The following KLRG1 variants were observed in gnomAD, a reference collection of about 807,000 sequenced individuals.
KLRG1 encodes killer cell lectin-like receptor subfamily G member 1.
A neutral mutation model predicts 21.8 loss-of-function variants in KLRG1; 16 were observed. That is an observed-to-expected ratio of 0.73 (90% CI 0.50 to 1.11). The LOEUF (loss-of-function observed/expected upper bound fraction) is 1.11, where lower values mean the gene tolerates loss of function less well. Among genes scored for constraint, KLRG1 ranks in the 50% most tolerant of loss-of-function variants. The probability of loss-of-function intolerance (pLI) is 0.00; values close to 1 mark genes in which losing one functional copy is unlikely to be tolerated. For missense variants in KLRG1, 173 were observed against 218.3 expected (o/e 0.79, Z 1.31); for synonymous variants, 69 against 75.9 (o/e 0.91, Z 0.47).
At chr12:9,042,873 A>C in the KLRG1 span, among the ~76,000 whole-genome samples, 1,042 of 152,266 alleles carry the variant, frequency 6.8e-3, 14 homozygotes, top group African/African-American at 0.024. Context: ...CAGAAAGCAG[A>C]GGGAAGAGGA....
At chr12:9,067,496 C>T in the KLRG1 span, 1 of 383,560 alleles carries the variant, frequency 2.6e-6, no homozygotes, top group South Asian at 2.6e-5. Context: ...CATAACCAAA[C>T]ACACTTTACA....
the KLRG1 span, chr12:9,116,068 G>T: frequency 3.6e-6 from 2 of 548,212 alleles, no homozygotes. Flanking sequence ...TTAATTCCTG[G>T]CGGGCTAAAT....
the KLRG1 span, chr12:9,158,673 A>G: frequency 8.4e-7 from 1 of 1,194,718 alleles, no homozygotes; most frequent in Non-Finnish European, 1.1e-6. Context: ...GTGTGCACCC[A>G]AGAAAGTCAA....
At chr12:9,101,285 A>T in the KLRG1 span, 1 of 1,456,904 alleles carries the variant, frequency 6.9e-7, no homozygotes. Context: ...TACTTGTTTT[A>T]TTGAGTCCCT....
In KLRG1 at chr12:9,010,430, T is replaced by C. The variant is rs111501074; in HGVS notation, c.*893T>C. ...GATAGCAGTCAATTCGATAAGGCAT[T>C]TTCATAGAGGAAAGTTTACAGAAAC... is the stretch of plus-strand genomic sequence containing the variant. On this transcript the variant is annotated 3_prime_UTR_variant, in exon 5 of 5. Transcript: ENST00000356986. 6.0e-3 allele frequency: 956 copies of C among 160,276 alleles called. 11 individuals are homozygous for C. Among genetic ancestry groups the C allele is most frequent in the Non-Finnish European group, 9.1e-3 (670 of 73,310 alleles). The allele number at this position is 160,276 out of a possible 1,614,324, so 9.9% of individuals were successfully genotyped here.
At chr12:8,958,005 G>C (rs1158950327) in intron 1 of KLRG1, among the ~76,000 whole-genome samples, 1 of 151,920 alleles carries the variant, frequency 6.6e-6, no homozygotes, top group Non-Finnish European at 1.5e-5. Flanking sequence ...ATGGGCGTTT[G>C]GGTTCTATCT....
At chr12:9,189,228 A>G in the KLRG1 span, among the ~76,000 whole-genome samples, 1 of 152,216 alleles carries the variant, frequency 6.6e-6, no homozygotes, top group African/African-American at 2.4e-5. Flanking sequence ...AGGAGGCATC[A>G]CACCACCCAA....
intron 1 of KLRG1, among the ~76,000 whole-genome samples, chr12:8,975,519 A>AT (rs1462032559): frequency 1.3e-5 from 2 of 151,752 alleles, no homozygotes; most frequent in Admixed American, 1.3e-4. Flanking sequence ...CTCTTCATTC[A>AT]TTTTTTATTT....
the KLRG1 span, among the ~76,000 whole-genome samples, chr12:9,164,849 C>G: frequency 6.6e-6 from 1 of 152,188 alleles, no homozygotes; most frequent in Non-Finnish European, 1.5e-5. Context: ...TGTGTGTCAG[C>G]TTCAAGAATG....
chr12:9,147,205 G>A, the KLRG1 span, among the ~76,000 whole-genome samples: 4 of 152,190 alleles, frequency 2.6e-5, no homozygotes, highest in Non-Finnish European at 5.9e-5. Flanking sequence ...CTGCTGACCA[G>A]GGAGAAGGAT....
chr12:9,080,019 TA>T, the KLRG1 span: 1 of 1,050,660 alleles, frequency 9.5e-7, no homozygotes, highest in Non-Finnish European at 1.3e-6. Flanking sequence ...TTATTTTTAG[TA>T]AATATTTATG....
chr12:9,074,544 T>C, the KLRG1 span: 2 of 1,591,700 alleles, frequency 1.3e-6, no homozygotes, highest in Non-Finnish European at 8.6e-7. Flanking sequence ...ATAAAAGGTT[T>C]TGGCAAATCA....
chr12:9,000,394 TAAA>T (rs1340066882), intron 3 of KLRG1, among the ~76,000 whole-genome samples: 6 of 152,318 alleles, frequency 3.9e-5, no homozygotes, highest in South Asian at 4.1e-4. Context: ...TTTTTTAACT[TAAA>T]AAATTGTGGG....
At chr12:9,088,872 A>G in the KLRG1 span, among the ~76,000 whole-genome samples, 1 of 152,206 alleles carries the variant, frequency 6.6e-6, no homozygotes, top group African/African-American at 2.4e-5. Context: ...CATAGTTTGC[A>G]TTATTAATTA....
the KLRG1 span, among the ~76,000 whole-genome samples, chr12:9,071,617 T>C: frequency 1.3e-5 from 2 of 152,154 alleles, no homozygotes; most frequent in Non-Finnish European, 2.9e-5. Flanking sequence ...AAGTAGGCTC[T>C]GGTGTCTGTT....
the KLRG1 span, among the ~76,000 whole-genome samples, chr12:9,057,169 G>T: frequency 6.6e-6 from 1 of 152,152 alleles, no homozygotes; most frequent in Non-Finnish European, 1.5e-5. Context: ...AGATGTACAA[G>T]GGTTTACCAC....
the KLRG1 span, among the ~76,000 whole-genome samples, chr12:9,100,024 T>A: frequency 6.6e-6 from 1 of 152,230 alleles, no homozygotes; most frequent in African/African-American, 2.4e-5. Flanking sequence ...GCTTCTGTGT[T>A]GCTACAAGAA....
chr12:9,105,678 G>A, the KLRG1 span, among the ~76,000 whole-genome samples: 1 of 152,108 alleles, frequency 6.6e-6, no homozygotes, highest in African/African-American at 2.4e-5. Context: ...TCAAAAATCT[G>A]AGAACCTTAA....
chr12:9,143,534 A>T, the KLRG1 span, among the ~76,000 whole-genome samples: 1 of 152,110 alleles, frequency 6.6e-6, no homozygotes, highest in South Asian at 2.1e-4. Context: ...GGGTTTTATT[A>T]AGAAGGATTT....
Sources: allele counts gnomAD v4.1 joint callset (sites outside exome capture counted in the v4.1 genomes callset), GRCh38; gene constraint gnomAD v4.1.1; transcripts MANE v1.5; gene names NCBI Gene and HGNC (gene_info 2026-07-23, HGNC 2026-07-21).